ADAMTSL3: variants seen among roughly 807,000 people sequenced by gnomAD.
ADAMTSL3 encodes the protein ADAMTS like 3.
ADAMTSL3 carries 128 observed loss-of-function variants against 201.7 expected under a neutral mutation model. The observed-to-expected ratio is 0.63, with a 90% CI of 0.55 to 0.73. The LOEUF is 0.73. Among genes scored for constraint, ADAMTSL3 ranks in the 30% least tolerant of loss-of-function variants. ADAMTSL3 has a pLI of 0.00. For synonymous variants in ADAMTSL3, 738 were observed against 748.4 expected (o/e 0.99, Z 0.23); for missense variants, 1,990 against 2,119.6 (o/e 0.94, Z 1.20).
chr15:83,844,522 C>T (rs1411396509), intron 7 of ADAMTSL3, among the ~76,000 whole-genome samples: 2 of 152,204 alleles, frequency 1.3e-5, no homozygotes, highest in Non-Finnish European at 2.9e-5. Context: ...CCACATTCGT[C>T]TTTCTAGGGT....
intron 17 of ADAMTSL3, 29 bp from the exon 18 acceptor site, chr15:83,942,567 C>A: frequency 6.3e-7 from 1 of 1,599,670 alleles, no homozygotes; most frequent in Non-Finnish European, 8.5e-7. Flanking sequence ...TTGGACTGTT[C>A]AACTTTCCCC....
rs538115293 is a variant in ADAMTSL3, at chr15:83,828,240, A to C, written c.600+8193A>C. Among the ~76,000 whole-genome samples the C allele has an allele frequency of 7.8e-3, 1,184 of 152,296 alleles. 14 individuals carry two copies. The highest frequency in any genetic ancestry group is 0.027 in the African/African-American group (1,126 of 41,542). On this transcript the variant is annotated intron_variant, in intron 6 of 29. Transcript: ENST00000286744. Reference sequence around the variant, plus strand: ...GTAGTTCTCCTTGAAGAGGTCCTTCACATCCCTTGTAAGTTGGATTCCTAG... The same window carrying C: ...GTAGTTCTCCTTGAAGAGGTCCTTCCCATCCCTTGTAAGTTGGATTCCTAG...
chr15:83,762,971 CT>C (rs931839852), intron 3 of ADAMTSL3, among the ~76,000 whole-genome samples: 5 of 151,982 alleles, frequency 3.3e-5, no homozygotes, highest in African/African-American at 1.2e-4. Flanking sequence ...ACTGCAGCCT[CT>C]GTCTCCCAGG....
chr15:83,762,969 C>G (rs1394808979), intron 3 of ADAMTSL3, among the ~76,000 whole-genome samples: 1 of 151,950 alleles, frequency 6.6e-6, no homozygotes, highest in East Asian at 1.9e-4. Context: ...TCACTGCAGC[C>G]TCTGTCTCCC....
intron 2 of ADAMTSL3, among the ~76,000 whole-genome samples, chr15:83,660,251 A>G (rs2061144110): frequency 6.6e-6 from 1 of 152,200 alleles, no homozygotes; most frequent in Non-Finnish European, 1.5e-5. Flanking sequence ...CACCTTCTAC[A>G]GCAATCTCAC....
chr15:83,822,488 G>A (rs1312180246), intron 6 of ADAMTSL3, among the ~76,000 whole-genome samples: 1 of 143,160 alleles, frequency 7.0e-6, no homozygotes, highest in African/African-American at 2.8e-5. Flanking sequence ...CGGGGCGGCC[G>A]GGCAGAGACG....
At chr15:83,870,524 TAAAG>T (rs2065061005) in intron 8 of ADAMTSL3, among the ~76,000 whole-genome samples, 1 of 152,162 alleles carries the variant, frequency 6.6e-6, no homozygotes. Context: ...TGAAAACATA[TAAAG>T]AAAGAAAAGT....
intron 3 of ADAMTSL3, among the ~76,000 whole-genome samples, chr15:83,744,219 T>G (rs554060014): frequency 6.6e-6 from 1 of 152,218 alleles, no homozygotes; most frequent in Admixed American, 6.5e-5. Flanking sequence ...GCATACTTAA[T>G]TCTAATAGTT....
Position 83,874,982 on chromosome 15 carries a change from C to T in ADAMTSL3, c.960+4023C>T. Among the ~76,000 whole-genome samples, 2 of 139,160 alleles carry T rather than the reference C, an allele frequency of 1.4e-5. 1 individual carries two copies. The allele number at this position is 139,160 out of a possible 152,430, so 91.3% of individuals were successfully genotyped here. ...AAACTCCACAGTAGACCTTTTACCA[C>T]CTCTCATCGACAAGAATTGGGTCAC... On this transcript the variant is annotated intron_variant, in intron 9 of 29. Transcript: ENST00000286744.
At chr15:83,691,677 C>T (rs138983001) in intron 2 of ADAMTSL3, among the ~76,000 whole-genome samples, 7 of 152,254 alleles carry the variant, frequency 4.6e-5, no homozygotes, top group South Asian at 2.1e-4. Flanking sequence ...TGCAATGGTG[C>T]GATCTTGGCT....
intron 3 of ADAMTSL3, among the ~76,000 whole-genome samples, chr15:83,717,797 T>C (rs2062040068): frequency 6.6e-6 from 1 of 152,224 alleles, no homozygotes; most frequent in Non-Finnish European, 1.5e-5. Context: ...TGAATTTCAC[T>C]GAAGGTCAGT....
chr15:83,695,138 TGTG>T (rs1244150642), intron 2 of ADAMTSL3, among the ~76,000 whole-genome samples: 2 of 137,834 alleles, frequency 1.5e-5, no homozygotes, highest in African/African-American at 2.7e-5. Flanking sequence ...GGGGTATATT[TGTG>T]GTGTAGGTAT....
chr15:83,937,053 G>T (rs1011041797), intron 17 of ADAMTSL3, among the ~76,000 whole-genome samples: 4 of 150,880 alleles, frequency 2.7e-5, no homozygotes, highest in African/African-American at 9.9e-5. Context: ...ACATTTATAC[G>T]CTGCTGGTGG....
chr15:83,755,064 A>C (rs2062697512), intron 3 of ADAMTSL3, among the ~76,000 whole-genome samples: 1 of 152,180 alleles, frequency 6.6e-6, no homozygotes, highest in African/African-American at 2.4e-5. Flanking sequence ...AAATGGATTA[A>C]ATGCTCACCA....
intron 13 of ADAMTSL3, among the ~76,000 whole-genome samples, chr15:83,895,663 G>A (rs897995311): frequency 1.3e-5 from 2 of 152,114 alleles, no homozygotes; most frequent in Non-Finnish European, 2.9e-5. Flanking sequence ...CGGTTTAAAA[G>A]GAGAGGATAC....
intron 6 of ADAMTSL3, among the ~76,000 whole-genome samples, chr15:83,821,031 G>A (rs1390670975): frequency 5.3e-5 from 8 of 151,790 alleles, no homozygotes; most frequent in Admixed American, 3.9e-4. Context: ...CCAAGATCAC[G>A]CCACTGCACT....
chr15:83,829,687 C>T (rs1434068757), intron 6 of ADAMTSL3, among the ~76,000 whole-genome samples: 5 of 152,164 alleles, frequency 3.3e-5, no homozygotes, highest in Admixed American at 2.0e-4. Context: ...TCCCTCTACA[C>T]ACTGCTTTAA....
At chr15:83,971,768 C>T (rs181821737) in intron 20 of ADAMTSL3, among the ~76,000 whole-genome samples, 60 of 150,446 alleles carry the variant, frequency 4.0e-4, no homozygotes, top group Non-Finnish European at 4.4e-5. Flanking sequence ...TAATTACTCA[C>T]CTGTGAAATA....
At chr15:83,844,860 C>G (rs934917502) in intron 7 of ADAMTSL3, among the ~76,000 whole-genome samples, 2 of 152,226 alleles carry the variant, frequency 1.3e-5, no homozygotes, top group African/African-American at 2.4e-5. Context: ...TGTGAACTCC[C>G]TGGCCTCTTC....
Sources: gnomAD v4.1 joint callset for allele counts (sites outside exome capture counted in the v4.1 genomes callset) on GRCh38, gnomAD v4.1.1 for gene constraint, MANE v1.5 for transcripts, NCBI Gene and HGNC (gene_info 2026-07-23, HGNC 2026-07-21) for gene names.